ARHGAP23: variants seen among roughly 807,000 people sequenced by gnomAD.
The protein encoded by ARHGAP23 is Rho GTPase activating protein 23, also known as rho GTPase-activating protein 23.
Under a neutral mutation model 136.3 loss-of-function variants are expected in ARHGAP23, and 34 were observed. The observed-to-expected ratio is 0.25, with a 90% CI of 0.19 to 0.33. The LOEUF (loss-of-function observed/expected upper bound fraction) is 0.33. ARHGAP23 is among the 10% of genes least tolerant of loss of function. The pLI is 1.00. For missense variants in ARHGAP23, 1,808 were observed against 2,139.0 expected, an observed-to-expected ratio of 0.85 and a Z score of 3.05; for synonymous variants, 832 against 920.5, an observed-to-expected ratio of 0.90 and a Z score of 1.74.
intron 1 of ARHGAP23, among the ~76,000 whole-genome samples, chr17:38,455,602 G>T (rs899483720): frequency 6.6e-6 from 1 of 152,210 alleles, no homozygotes; most frequent in Admixed American, 6.5e-5. Flanking sequence ...CACTGGGGCA[G>T]CTGGTGGCTT....
chr17:38,444,936 G>A lies in ARHGAP23; in HGVS notation c.64-13166G>A, dbSNP rs1285813730. ...GGGTTCAAGCAATTCTCCTACCTCA[G>A]CCTCCAGAGTAGCTGGGATTACAGG... On this transcript the variant is annotated intron_variant, in intron 1 of 23. Coordinates refer to ENST00000622683, the MANE Select transcript of ARHGAP23 (RefSeq NM_001199417.2). Among the ~76,000 whole-genome samples the A allele has an allele frequency of 2.0e-5, 3 of 151,722 alleles. No homozygotes were observed. In the East Asian group the frequency reaches 5.9e-4, roughly 30 times the overall value.
chr17:38,492,816 T>A (rs1428179200), intron 20 of ARHGAP23, among the ~76,000 whole-genome samples: 1 of 152,210 alleles, frequency 6.6e-6, no homozygotes, highest in African/African-American at 2.4e-5. Flanking sequence ...TCGGGGATCC[T>A]GATGAGGCCT....
At chr17:38,475,229 G>A (rs897423384) in intron 11 of ARHGAP23, among the ~76,000 whole-genome samples, 2 of 152,242 alleles carry the variant, frequency 1.3e-5, no homozygotes, top group South Asian at 2.1e-4. Context: ...GCAGAGGAGG[G>A]AAAGGGACAG....
At chr17:38,467,472 C>A in intron 7 of ARHGAP23, 141 bp downstream of exon 7, 1 of 705,918 alleles carries the variant, frequency 1.4e-6, no homozygotes, top group Non-Finnish European at 2.2e-6. Context: ...TCAATTCATT[C>A]ATCTGTTCAT....
At chr17:38,458,494 G>A (rs2039384331) in intron 2 of ARHGAP23, among the ~76,000 whole-genome samples, 1 of 152,202 alleles carries the variant, frequency 6.6e-6, no homozygotes. Context: ...TTGAATCACT[G>A]TGGCCTGGGG....
chr17:38,500,628 G>T lies in ARHGAP23; in HGVS notation c.3447G>T (p.Lys1149Asn). ...DSTTCSSAKS[K>N]GSWAPKKEPY... ...CCACCTGTAGTTCAGCCAAGTCCAA[G>T]GTACGTATGAAGGCAATTCTGAAGG... The change falls in exon 23 of 24, where the codon AAG becomes AAT. Residue 1149 changes from lysine to asparagine, a missense_variant and splice_region_variant. This residue lies in a region of ARHGAP23 where 104 missense variants were observed against 131.8 expected (regional missense o/e 0.79). Coordinates refer to ENST00000622683, the MANE Select transcript of ARHGAP23 (RefSeq NM_001199417.2). 1 of 1,549,094 alleles carries T rather than the reference G, an allele frequency of 6.5e-7. No individual in the cohort carries two copies. Among genetic ancestry groups the T allele is most frequent in the Non-Finnish European group, 8.7e-7 (1 of 1,146,564 alleles).
intron 1 of ARHGAP23, among the ~76,000 whole-genome samples, chr17:38,444,249 A>G (rs141427347): frequency 3.5e-3 from 529 of 152,182 alleles, no homozygotes; most frequent in African/African-American, 0.012. Flanking sequence ...CTGGGTTGTC[A>G]AGGAGACGAG....
intron 6 of ARHGAP23, among the ~76,000 whole-genome samples, chr17:38,465,816 G>GAA (rs2039576973): frequency 6.6e-6 from 1 of 152,072 alleles, no homozygotes; most frequent in African/African-American, 2.4e-5. Flanking sequence ...AGGAGCTTTG[G>GAA]GCATTGGTGG....
intron 1 of ARHGAP23, among the ~76,000 whole-genome samples, chr17:38,445,472 G>A (rs2039012991): frequency 6.6e-6 from 1 of 151,808 alleles, no homozygotes; most frequent in Admixed American, 6.6e-5. Context: ...CAACAAGAGC[G>A]AAACTCCATC....
At chr17:38,470,211 G>C (rs1298692441) in intron 10 of ARHGAP23, among the ~76,000 whole-genome samples, 1 of 152,192 alleles carries the variant, frequency 6.6e-6, no homozygotes, top group Non-Finnish European at 1.5e-5. Context: ...GGTCTTCCCT[G>C]AAATTCCAGC....
chr17:38,476,610 A>G (rs2039897305), intron 11 of ARHGAP23, among the ~76,000 whole-genome samples: 1 of 152,180 alleles, frequency 6.6e-6, no homozygotes, highest in African/African-American at 2.4e-5. Flanking sequence ...CAGCAGATGG[A>G]CCTAGTTTAA....
At chr17:38,460,060 G>A (rs1241163024) in intron 2 of ARHGAP23, among the ~76,000 whole-genome samples, 1 of 152,122 alleles carries the variant, frequency 6.6e-6, no homozygotes, top group African/African-American at 2.4e-5. Context: ...AAGAGATGAC[G>A]CTGAAGGTCT....
intron 16 of ARHGAP23, among the ~76,000 whole-genome samples, chr17:38,485,208 C>A (rs1159357742): frequency 6.6e-6 from 1 of 152,182 alleles, no homozygotes; most frequent in Admixed American, 6.5e-5. Flanking sequence ...AATTTGACAT[C>A]ATCCCTGGCC....
intron 23 of ARHGAP23, among the ~76,000 whole-genome samples, chr17:38,501,669 G>A (rs1038394268): frequency 1.3e-5 from 2 of 151,984 alleles, no homozygotes; most frequent in African/African-American, 4.8e-5. Flanking sequence ...AGGTGAAATA[G>A]ACCAATTCTT....
At chr17:38,499,614 A>T (rs1443707551) in intron 22 of ARHGAP23, among the ~76,000 whole-genome samples, 1 of 152,120 alleles carries the variant, frequency 6.6e-6, no homozygotes, top group Non-Finnish European at 1.5e-5. Flanking sequence ...GGGCCAGAAG[A>T]CATGGGGGTG....
rs2039695171 is a variant in ARHGAP23, at chr17:38,469,571, A to G, written c.1852A>G (p.Thr618Ala). The change falls in exon 9 of 24, where the codon ACG (threonine) becomes GCG (alanine). Residue 618 changes from threonine (T) to alanine (A), a missense_variant. By Grantham distance (58) the Thr-to-Ala change is moderately conservative. Transcript: ENST00000622683. ...CTCCTCCTACCTGCTGGCCATCACCACGGAGCGCTCCAAGTCCTGCGATGA... is the reference window on the plus strand; with the variant it reads ...CTCCTCCTACCTGCTGGCCATCACCGCGGAGCGCTCCAAGTCCTGCGATGA... Reference protein sequence around the residue: ...RRSSYLLAITTERSKSCDDGL... With the variant: ...RRSSYLLAITAERSKSCDDGL... 2 of 1,548,454 alleles carry G rather than the reference A, an allele frequency of 1.3e-6. No homozygotes were observed. Among genetic ancestry groups the G allele is most frequent in the Non-Finnish European group, 1.7e-6 (2 of 1,146,680 alleles).
At chr17:38,459,815 T>C (rs4795281) in intron 2 of ARHGAP23, among the ~76,000 whole-genome samples, 62,260 of 152,094 alleles carry the variant, frequency 0.41, 13,293 homozygotes, top group African/African-American at 0.51. Flanking sequence ...CCTCTGCCAC[T>C]CTCTCGCAGT....
At chr17:38,498,935 A>G (rs762214184) in intron 22 of ARHGAP23, 1 of 556,874 alleles carries the variant, frequency 1.8e-6, no homozygotes, top group South Asian at 1.5e-5. Context: ...CCTCCAGCGG[A>G]CCTGTTGGAG....
chr17:38,460,562 C>T (rs916248609), intron 2 of ARHGAP23, among the ~76,000 whole-genome samples: 2 of 152,158 alleles, frequency 1.3e-5, no homozygotes, highest in African/African-American at 4.8e-5. Context: ...GCGCTTGTCA[C>T]GTGCCTATCT....
Sources: allele counts gnomAD v4.1 joint callset (sites outside exome capture counted in the v4.1 genomes callset), GRCh38; gene constraint gnomAD v4.1.1; regional missense constraint gnomAD v4.1.1; transcripts MANE v1.5; gene names NCBI Gene and HGNC (gene_info 2026-07-23, HGNC 2026-07-21).